PDE4B: variants seen among roughly 807,000 people sequenced by gnomAD.
The protein encoded by PDE4B is phosphodiesterase 4B, also known as 3',5'-cyclic-AMP phosphodiesterase 4B.
A neutral mutation model predicts 82.2 loss-of-function variants in PDE4B; 20 were observed. The ratio of observed to expected loss-of-function variants is 0.24; its 90% CI spans 0.17 to 0.35. The LOEUF is 0.35. PDE4B is among the 10% of genes least tolerant of loss of function. PDE4B has a pLI of 1.00. For missense variants in PDE4B, 655 were observed against 907.2 expected (o/e 0.72, Z 3.57); for synonymous variants, 320 against 318.9 (o/e 1.00, Z -0.04).
intron 3 of PDE4B, among the ~76,000 whole-genome samples, chr1:65,995,142 G>T (rs1234646638): frequency 6.6e-6 from 1 of 151,950 alleles, no homozygotes; most frequent in Admixed American, 6.6e-5. Context: ...CATTAAACTT[G>T]TGAAATAACT....
intron 3 of PDE4B, among the ~76,000 whole-genome samples, chr1:66,135,307 A>G (rs1646034360): frequency 6.6e-6 from 1 of 152,218 alleles, no homozygotes; most frequent in Non-Finnish European, 1.5e-5. Context: ...AGAGTTTTAT[A>G]CCATCAGATT....
chr1:66,038,921 T>A (rs978953386), intron 3 of PDE4B, among the ~76,000 whole-genome samples: 7 of 152,190 alleles, frequency 4.6e-5, no homozygotes, highest in East Asian at 3.9e-4. Context: ...CTATTTTTTT[T>A]AAAACAAAAT....
chr1:65,975,204 G>C, intron 3 of PDE4B, among the ~76,000 whole-genome samples: 1 of 152,218 alleles, frequency 6.6e-6, no homozygotes, highest in South Asian at 2.1e-4. Context: ...GTTGACTCTT[G>C]CTATGTTTTA....
At chr1:65,815,858 G>A (rs993660193) in intron 1 of PDE4B, among the ~76,000 whole-genome samples, 4 of 152,114 alleles carry the variant, frequency 2.6e-5, no homozygotes, top group Non-Finnish European at 5.9e-5. Flanking sequence ...GCTATATAAG[G>A]AAGGAACCAT....
intron 3 of PDE4B, among the ~76,000 whole-genome samples, chr1:66,067,958 G>T: frequency 8.2e-6 from 1 of 121,778 alleles, no homozygotes; most frequent in Non-Finnish European, 1.7e-5. Flanking sequence ...GTGGGGGGAG[G>T]GGGAGAGATA....
At chr1:66,137,242 T>C (rs954827135) in intron 3 of PDE4B, among the ~76,000 whole-genome samples, 3 of 152,078 alleles carry the variant, frequency 2.0e-5, no homozygotes, top group African/African-American at 7.2e-5. Flanking sequence ...ATTATTTCTC[T>C]TTTGGGCACT....
At position 66,053,142 on chromosome 1, in the gene PDE4B, T is replaced by C. The variant is rs560111844; in HGVS notation, c.281+134307T>C. Among the ~76,000 whole-genome samples the C allele has an allele frequency of 2.0e-5, 3 of 152,360 alleles. No individual in the cohort carries two copies. The South Asian group carries it at 6.2e-4, about 32-fold the overall frequency. On this transcript the variant is annotated intron_variant, in intron 3 of 16. Coordinates refer to ENST00000341517, the MANE Select transcript of PDE4B (RefSeq NM_002600.4). ...CAGGTATTTAAGTAGTTGAGATCCA[T>C]TTATCTTTCCTGAAATGCCTTAATA... is the stretch of plus-strand genomic sequence containing the variant.
chr1:66,078,971 A>G (rs1036628503), intron 3 of PDE4B, among the ~76,000 whole-genome samples: 31 of 152,136 alleles, frequency 2.0e-4, no homozygotes, highest in Admixed American at 2.0e-4. Flanking sequence ...CAATTCCCTT[A>G]TTTATTCAGG....
At chr1:66,202,161 G>C (rs1404142137) in intron 3 of PDE4B, among the ~76,000 whole-genome samples, 1 of 152,064 alleles carries the variant, frequency 6.6e-6, no homozygotes, top group Non-Finnish European at 1.5e-5. Flanking sequence ...GCAGTTTTGA[G>C]TGAGTTTCTT....
intron 3 of PDE4B, among the ~76,000 whole-genome samples, chr1:66,138,129 A>G (rs761606119): frequency 7.9e-5 from 12 of 152,186 alleles, no homozygotes; most frequent in Non-Finnish European, 1.6e-4. Flanking sequence ...CGTAGTTTCT[A>G]CTCTCAAGGA....
intron 3 of PDE4B, among the ~76,000 whole-genome samples, chr1:65,976,840 C>A (rs1450528526): frequency 1.3e-5 from 2 of 152,148 alleles, no homozygotes; most frequent in Non-Finnish European, 2.9e-5. Context: ...GTACAGCCTG[C>A]AGAACTGTGA....
chr1:65,849,371 G>A (rs1252305287), intron 1 of PDE4B, among the ~76,000 whole-genome samples: 1 of 152,182 alleles, frequency 6.6e-6, no homozygotes, highest in Admixed American at 6.5e-5. Flanking sequence ...GTTCACAGTG[G>A]CACTCCATAA....
intron 7 of PDE4B, among the ~76,000 whole-genome samples, chr1:66,269,613 C>T (rs987174894): frequency 2.0e-5 from 3 of 152,210 alleles, no homozygotes; most frequent in Non-Finnish European, 4.4e-5. Context: ...CTCAGGATTT[C>T]AGGTCCCAAA....
intron 7 of PDE4B, among the ~76,000 whole-genome samples, chr1:66,287,903 G>A (rs1656795093): frequency 2.0e-5 from 3 of 152,132 alleles, no homozygotes; most frequent in Admixed American, 2.0e-4. Flanking sequence ...GAGTCCAGGA[G>A]TTGGAGATGG....
At chr1:65,958,755 C>T (rs1209893453) in intron 3 of PDE4B, among the ~76,000 whole-genome samples, 4 of 149,354 alleles carry the variant, frequency 2.7e-5, no homozygotes, top group East Asian at 1.9e-4. Context: ...CACACGCGCG[C>T]GCGCGCGCGC....
In PDE4B at chr1:65,988,665, T is replaced by C. The variant is rs370837074; in HGVS notation, c.281+69830T>C. ...TTTTTAAAAGCTTCTGGATTGTCTT[T>C]TTAAAAAAAGCTTCTTAATTCATTG... On this transcript the variant is annotated intron_variant, in intron 3 of 16. Transcript: ENST00000341517. Among the ~76,000 whole-genome samples the C allele has an allele frequency of 3.3e-4, 50 of 152,218 alleles. 1 individual carries two copies. In the East Asian group the frequency reaches 5.2e-3, roughly 16 times the overall value.
chr1:66,035,180 A>AT (rs573603492), intron 3 of PDE4B, among the ~76,000 whole-genome samples: 1 of 152,126 alleles, frequency 6.6e-6, no homozygotes, highest in Non-Finnish European at 1.5e-5. Flanking sequence ...GACTGGCACC[A>AT]TTTTTTAATT....
chr1:66,314,796 G>T (rs536297961), intron 7 of PDE4B, among the ~76,000 whole-genome samples: 1 of 152,124 alleles, frequency 6.6e-6, no homozygotes, highest in Non-Finnish European at 1.5e-5. Flanking sequence ...GCCATTCCGC[G>T]TATGGTTACC....
intron 3 of PDE4B, among the ~76,000 whole-genome samples, chr1:66,129,659 C>CAAAAAAAAAAAAAAAAA (rs59846345): frequency 1.1e-5 from 1 of 94,780 alleles, no homozygotes; most frequent in African/African-American, 4.6e-5. Context: ...GACTCCGTCT[C>CAAAAAAAAAAAAAAAAA]AAAAAAAAAA....
Sources: allele counts gnomAD v4.1 joint callset (sites outside exome capture counted in the v4.1 genomes callset), GRCh38; gene constraint gnomAD v4.1.1; transcripts MANE v1.5; gene names NCBI Gene and HGNC (gene_info 2026-07-23, HGNC 2026-07-21).